EPHA3: variants seen among roughly 807,000 people sequenced by gnomAD.
EPHA3 encodes EPH receptor A3.
EPHA3 carries 42 observed loss-of-function variants against 107.1 expected under a neutral mutation model. The observed-to-expected ratio is 0.39, with a 90% CI of 0.31 to 0.51. The LOEUF (loss-of-function observed/expected upper bound fraction) is 0.51, where lower values mean the gene tolerates loss of function less well. Ranked by LOEUF, EPHA3 falls within the 20% of genes least tolerant of loss-of-function variation. The pLI is 0.78. For missense variants in EPHA3, 1,183 were observed against 1,211.2 expected (o/e 0.98, Z 0.35); for synonymous variants, 461 against 424.8 (o/e 1.09, Z -1.05).
intron 2 of EPHA3, among the ~76,000 whole-genome samples, chr3:89,209,328 T>C (rs141370907): frequency 6.6e-6 from 1 of 152,148 alleles, no homozygotes; most frequent in Non-Finnish European, 1.5e-5. Flanking sequence ...TTCATAGTTC[T>C]GCAACACATG....
chr3:89,160,009 T>C (rs1704895085), intron 2 of EPHA3, among the ~76,000 whole-genome samples: 1 of 152,018 alleles, frequency 6.6e-6, no homozygotes, highest in South Asian at 2.1e-4. Context: ...AGAAAAATTA[T>C]ACTAGATTTG....
intron 3 of EPHA3, among the ~76,000 whole-genome samples, chr3:89,239,642 A>C (rs977173321): frequency 2.0e-5 from 3 of 152,342 alleles, no homozygotes; most frequent in African/African-American, 7.2e-5. Flanking sequence ...GATTACAGAT[A>C]TAAACACATC....
At chr3:89,287,932 C>T (rs1397223639) in intron 3 of EPHA3, among the ~76,000 whole-genome samples, 1 of 151,876 alleles carries the variant, frequency 6.6e-6, no homozygotes, top group Non-Finnish European at 1.5e-5. Context: ...TTTCTGACAG[C>T]TAAAAATATG....
chr3:89,107,943 G>C lies in EPHA3; in HGVS notation c.88+107G>C, dbSNP rs1189614661. 8.5e-6 allele frequency: 9 copies of C among 1,055,546 alleles called. No individual in the cohort carries two copies. In the Admixed American group the frequency reaches 1.7e-4, roughly 20 times the overall value. The allele number at this position is 1,055,546 out of a possible 1,614,324, so 65.4% of individuals were successfully genotyped here. ...CGTCGGGAAGGTGCCTCCGAATAGAGCAGTTTGCTCTGAGAGTGAAGGAAA... is the reference window on the plus strand; with the variant it reads ...CGTCGGGAAGGTGCCTCCGAATAGACCAGTTTGCTCTGAGAGTGAAGGAAA... On this transcript the variant is annotated intron_variant, in intron 1 of 16. Coordinates refer to ENST00000336596, the MANE Select transcript of EPHA3 (RefSeq NM_005233.6).
chr3:89,280,070 C>T (rs1705904635), intron 3 of EPHA3, among the ~76,000 whole-genome samples: 1 of 151,246 alleles, frequency 6.6e-6, no homozygotes, highest in Admixed American at 6.6e-5. Context: ...CATTCATGCA[C>T]ATGTCAGAGA....
intron 1 of EPHA3, among the ~76,000 whole-genome samples, chr3:89,114,736 A>G (rs192941630): frequency 6.6e-6 from 1 of 152,324 alleles, no homozygotes; most frequent in East Asian, 1.9e-4. Context: ...CACGAGCGCC[A>G]GGAGGAGACT....
chr3:89,341,219 G>A, intron 4 of EPHA3, 148 bp downstream of exon 4: 1 of 803,192 alleles, frequency 1.2e-6, no homozygotes, highest in Non-Finnish European at 2.0e-6. Context: ...CACTCCCCAT[G>A]CTTGGCTCAC....
chr3:89,468,615 T>TGC (rs1409290152), intron 15 of EPHA3, among the ~76,000 whole-genome samples: 4 of 152,224 alleles, frequency 2.6e-5, no homozygotes, highest in Non-Finnish European at 5.9e-5. Flanking sequence ...CTGTGGCGTG[T>TGC]GCGCGCGCAT....
intron 3 of EPHA3, among the ~76,000 whole-genome samples, chr3:89,290,398 G>T (rs9821666): frequency 0.23 from 34,361 of 151,938 alleles, 4,298 homozygotes; most frequent in Non-Finnish European, 0.27. Flanking sequence ...TCAGAATTGT[G>T]TGGGGAGGAA....
At chr3:89,322,146 G>C (rs1707058100) in intron 3 of EPHA3, among the ~76,000 whole-genome samples, 1 of 151,696 alleles carries the variant, frequency 6.6e-6, no homozygotes, top group Non-Finnish European at 1.5e-5. Flanking sequence ...GAGAGAGAGA[G>C]AGAGAAAACA....
Position 89,181,360 on chromosome 3 carries a change from T to C in EPHA3, c.154-28500T>C, listed in dbSNP as rs549726732. Among the ~76,000 whole-genome samples, 241 of 152,068 alleles carry C rather than the reference T, an allele frequency of 1.6e-3. 1 individual carries two copies. The highest frequency in any genetic ancestry group is 2.7e-3 in the Non-Finnish European group (183 of 67,884). On this transcript the variant is annotated intron_variant, in intron 2 of 16. Coordinates refer to ENST00000336596, the MANE Select transcript of EPHA3 (RefSeq NM_005233.6). ...TTTAATTCTTCTAACTTCTACTGAT[T>C]TTTTTTCTTACAGCAAAATATATCA...
intron 13 of EPHA3, 78 bp downstream of exon 13, chr3:89,431,437 C>A: frequency 7.9e-7 from 1 of 1,263,290 alleles, no homozygotes; most frequent in Non-Finnish European, 1.1e-6. Flanking sequence ...AAGTAGAAAT[C>A]ATGACCCAAA....
chr3:89,164,663 G>GA (rs1477323767), intron 2 of EPHA3, among the ~76,000 whole-genome samples: 4 of 151,862 alleles, frequency 2.6e-5, no homozygotes, highest in Non-Finnish European at 2.9e-5. Flanking sequence ...CTTTTATGGA[G>GA]AAAAAAGATT....
chr3:89,356,507 C>CT (rs1195660490), intron 5 of EPHA3, among the ~76,000 whole-genome samples: 1 of 151,234 alleles, frequency 6.6e-6, no homozygotes, highest in African/African-American at 2.4e-5. Flanking sequence ...TGTTTCCTGA[C>CT]TTTTTAATGA....
At chr3:89,185,719 CT>C (rs374366451) in intron 2 of EPHA3, among the ~76,000 whole-genome samples, 1 of 152,142 alleles carries the variant, frequency 6.6e-6, no homozygotes, top group African/African-American at 2.4e-5. Flanking sequence ...TCCCTTTCTA[CT>C]TTGTCTACTC....
rs1165233442 is a variant in EPHA3 at position 89,450,169 on chromosome 3, T to TA, written c.2497-8_2497-7insA. 6.4e-7 allele frequency: 1 copy of TA among 1,560,016 alleles called. No individual in the cohort carries two copies. On this transcript the variant is annotated splice_region_variant and splice_polypyrimidine_tract_variant and intron_variant, in intron 14 of 16. Transcript: ENST00000336596. The stretch of plus-strand genomic sequence containing the variant: ...TCCTGGTTCCTGAAAACTTTGCTTC[T>TA]CACACAGGTAATTAAAGCTGTAGAT...
intron 3 of EPHA3, among the ~76,000 whole-genome samples, chr3:89,277,035 C>T (rs533143999): frequency 6.6e-6 from 1 of 152,178 alleles, no homozygotes; most frequent in Admixed American, 6.6e-5. Flanking sequence ...TAATCCACCT[C>T]CCCAATGAAA....
chr3:89,279,783 G>C (rs1362674431), intron 3 of EPHA3, among the ~76,000 whole-genome samples: 3 of 152,054 alleles, frequency 2.0e-5, no homozygotes, highest in Admixed American at 6.6e-5. Context: ...TTGCTAAGTA[G>C]TGAACAAGCC....
At chr3:89,224,679 T>C (rs1010054562) in intron 3 of EPHA3, among the ~76,000 whole-genome samples, 18 of 151,816 alleles carry the variant, frequency 1.2e-4, no homozygotes, top group African/African-American at 4.1e-4. Flanking sequence ...TGAAACACTA[T>C]CTCTACTAAA....
Sources: gnomAD v4.1 joint callset for allele counts (sites outside exome capture counted in the v4.1 genomes callset) on GRCh38, gnomAD v4.1.1 for gene constraint, MANE v1.5 for transcripts, NCBI Gene and HGNC (gene_info 2026-07-23, HGNC 2026-07-21) for gene names.